ZNF609: variants seen among roughly 807,000 people sequenced by gnomAD.
ZNF609 encodes the protein zinc finger protein 609.
In ZNF609, 11 loss-of-function variants were observed where a neutral mutation model predicts 109.5. The ratio of observed to expected loss-of-function variants is 0.10; its 90% CI spans 0.06 to 0.17. The LOEUF is 0.17. ZNF609 is among the 10% of genes least tolerant of loss of function. The pLI is 1.00. For synonymous variants in ZNF609, 646 were observed against 662.0 expected (o/e 0.98, Z 0.37); for missense variants, 1,559 against 1,772.4 (o/e 0.88, Z 2.16).
At chr15:64,655,480 G>A (rs2141000752) in intron 3 of ZNF609, among the ~76,000 whole-genome samples, 1 of 151,792 alleles carries the variant, frequency 6.6e-6, no homozygotes, top group East Asian at 1.9e-4. Context: ...TACTAAATAA[G>A]CAAAATAAAA....
chr15:64,552,132 CT>C (rs1394249612), intron 2 of ZNF609, among the ~76,000 whole-genome samples: 1 of 151,946 alleles, frequency 6.6e-6, no homozygotes, highest in African/African-American at 2.4e-5. Context: ...TGTGGCTTGT[CT>C]TTTCATTATC....
At chr15:64,607,502 C>CTTT (rs200902765) in intron 2 of ZNF609, among the ~76,000 whole-genome samples, 7 of 131,974 alleles carry the variant, frequency 5.3e-5, no homozygotes, top group East Asian at 4.3e-4. Context: ...TTAAGGCATA[C>CTTT]TTTTTTTTTT....
At position 64,577,279 on chromosome 15, in the gene ZNF609, GTA is replaced by G. The variant is rs1417638281; in HGVS notation, c.748-45539_748-45538del. On this transcript the variant is annotated intron_variant, in intron 2 of 9. Coordinates refer to ENST00000326648, the MANE Select transcript of ZNF609 (RefSeq NM_015042.2). ...TATACACACAAATATATACATATATGTATATATATACACACAAATATATACAT... is the reference window on the plus strand; with the variant it reads ...TATACACACAAATATATACATATATGTATATATACACACAAATATATACAT... Among the ~76,000 whole-genome samples, 111 of 30,250 alleles carry G rather than the reference GTA, an allele frequency of 3.7e-3. 34 individuals carry two copies. Among genetic ancestry groups the G allele is most frequent in the African/African-American group, 6.4e-3 (89 of 13,964 alleles). 19.8% of individuals were successfully genotyped at this position (30,250 alleles called of 152,430 possible).
At chr15:64,552,434 C>T (rs1048978712) in intron 2 of ZNF609, among the ~76,000 whole-genome samples, 4 of 151,860 alleles carry the variant, frequency 2.6e-5, no homozygotes, top group African/African-American at 4.8e-5. Context: ...TGCAGTGACG[C>T]GATCTTGGCT....
At chr15:64,652,543 C>T (rs543815819) in intron 3 of ZNF609, among the ~76,000 whole-genome samples, 10 of 151,980 alleles carry the variant, frequency 6.6e-5, no homozygotes, top group African/African-American at 2.4e-4. Flanking sequence ...CGTACCACCA[C>T]ACGTGACTAA....
chr15:64,612,963 C>A (rs575216296), intron 2 of ZNF609, among the ~76,000 whole-genome samples: 2 of 151,876 alleles, frequency 1.3e-5, no homozygotes. Context: ...TGCAGTGAGC[C>A]GAGATCACGC....
intron 2 of ZNF609, among the ~76,000 whole-genome samples, chr15:64,578,494 A>G (rs1373347073): frequency 2.6e-5 from 4 of 152,130 alleles, no homozygotes; most frequent in African/African-American, 7.2e-5. Context: ...GGAGTTCGAG[A>G]TCAGCCTGAC....
intron 1 of ZNF609, among the ~76,000 whole-genome samples, chr15:64,487,195 A>T (rs547538989): frequency 6.6e-6 from 1 of 152,230 alleles, no homozygotes; most frequent in African/African-American, 2.4e-5. Context: ...CTCATAGTCA[A>T]ACATCAAGTA....
intron 2 of ZNF609, among the ~76,000 whole-genome samples, chr15:64,549,048 A>G (rs1894416965): frequency 2.0e-5 from 3 of 152,166 alleles, no homozygotes; most frequent in South Asian, 4.1e-4. Context: ...TTTGCATAGG[A>G]GAAATTCAGT....
chr15:64,528,997 C>G, intron 2 of ZNF609: 3 of 1,510,476 alleles, frequency 2.0e-6, no homozygotes, highest in Non-Finnish European at 1.8e-6. Flanking sequence ...AGTGAGCTTC[C>G]CGTTCAGCTC....
intron 2 of ZNF609, among the ~76,000 whole-genome samples, chr15:64,545,961 A>T (rs992816245): frequency 1.3e-5 from 2 of 152,228 alleles, no homozygotes; most frequent in Non-Finnish European, 2.9e-5. Flanking sequence ...AGGTGTGAAC[A>T]TTCATGTACA....
intron 3 of ZNF609, among the ~76,000 whole-genome samples, chr15:64,657,832 C>G (rs1896512877): frequency 6.6e-6 from 1 of 152,162 alleles, no homozygotes; most frequent in Non-Finnish European, 1.5e-5. Flanking sequence ...TGGTGGCTGA[C>G]TCTTGTCCAA....
At chr15:64,638,017 A>T (rs28817651) in intron 3 of ZNF609, among the ~76,000 whole-genome samples, 3 of 88,228 alleles carry the variant, frequency 3.4e-5, no homozygotes, top group East Asian at 7.2e-4. Context: ...TATATATATA[A>T]AATATATATA....
intron 2 of ZNF609, among the ~76,000 whole-genome samples, chr15:64,574,656 C>T (rs2098413895): frequency 6.6e-6 from 1 of 152,134 alleles, no homozygotes; most frequent in Non-Finnish European, 1.5e-5. Context: ...CCCCAGATAA[C>T]CTGCTCTCAT....
At chr15:64,487,458 A>G (rs1055305733) in intron 1 of ZNF609, among the ~76,000 whole-genome samples, 5 of 152,198 alleles carry the variant, frequency 3.3e-5, no homozygotes, top group African/African-American at 1.2e-4. Context: ...TTCCATGTGT[A>G]TACAGATATG....
intron 2 of ZNF609, among the ~76,000 whole-genome samples, chr15:64,543,428 CTTTT>C (rs1306342000): frequency 6.7e-6 from 1 of 149,060 alleles, no homozygotes; most frequent in Non-Finnish European, 1.5e-5. Flanking sequence ...CTTTCCCTGC[CTTTT>C]TGTTTGTTTT....
At position 64,544,192 on chromosome 15, in the gene ZNF609, T is replaced by A. The variant is rs1209775777; in HGVS notation, c.747+44026T>A. On this transcript the variant is annotated intron_variant, in intron 2 of 9. Coordinates refer to ENST00000326648, the MANE Select transcript of ZNF609 (RefSeq NM_015042.2). ...CATCTCTATTAAAAAATACAAAAATTAGCCGGGCGTGGTGGCATGCATCTG... is the reference window on the plus strand; with the variant it reads ...CATCTCTATTAAAAAATACAAAAATAAGCCGGGCGTGGTGGCATGCATCTG... 3.9e-5 allele frequency among the ~76,000 whole-genome samples: 6 copies of A among 152,112 alleles called. No homozygotes were observed. The East Asian group carries it at 1.2e-3, about 29-fold the overall frequency.
At position 64,680,225 on chromosome 15, in the gene ZNF609, C is replaced by A; in HGVS notation, c.3810C>A (p.Gly1270=). 3 of 1,614,152 alleles carry A rather than the reference C, an allele frequency of 1.9e-6. No homozygotes were observed. The highest frequency in any genetic ancestry group is 2.5e-6 in the Non-Finnish European group (3 of 1,180,026). Residue 1270 remains glycine, a synonymous_variant, in exon 7 of 10, where the codon GGC becomes GGA. Coordinates refer to ENST00000326648, the MANE Select transcript of ZNF609 (RefSeq NM_015042.2). ...LPSSYSFSPY[G]SKVSGGEDAD... Reference sequence around the variant, plus strand: ...CCAGCTACTCTTTTTCCCCATATGGCAGCAAGGTCTCAGGTGGTGAAGATG... The same window carrying A: ...CCAGCTACTCTTTTTCCCCATATGGAAGCAAGGTCTCAGGTGGTGAAGATG...
intron 6 of ZNF609, among the ~76,000 whole-genome samples, chr15:64,678,777 C>T (rs1411284554): frequency 6.6e-6 from 1 of 152,234 alleles, no homozygotes; most frequent in East Asian, 1.9e-4. Flanking sequence ...TCACTGCTGT[C>T]TCCCCTCAGC....
Sources: gnomAD v4.1 joint callset for allele counts (sites outside exome capture counted in the v4.1 genomes callset) on GRCh38, gnomAD v4.1.1 for gene constraint, MANE v1.5 for transcripts, NCBI Gene and HGNC (gene_info 2026-07-23, HGNC 2026-07-21) for gene names.